Variants in LINGO2 observed in about 807,000 individuals in gnomAD.
The protein encoded by LINGO2 is leucine-rich repeat and immunoglobulin-like domain-containing nogo receptor-interacting protein 2.
A neutral mutation model predicts 30.6 loss-of-function variants in LINGO2; 14 were observed. That is an observed-to-expected ratio of 0.46 (90% CI 0.30 to 0.72). LINGO2 has a LOEUF of 0.72. LINGO2 is among the 30% of genes least tolerant of loss of function. The probability of loss-of-function intolerance (pLI) is 0.07; values close to 1 mark genes in which losing one functional copy is unlikely to be tolerated. For missense variants in LINGO2, 729 were observed against 751.7 expected (o/e 0.97, Z 0.35); for synonymous variants, 317 against 288.5 (o/e 1.10, Z -1.00).
intron 4 of LINGO2, among the ~76,000 whole-genome samples, chr9:28,049,589 T>A (rs1022296885): frequency 6.6e-6 from 1 of 150,742 alleles, no homozygotes; most frequent in African/African-American, 2.5e-5. Flanking sequence ...GTCTAGATTT[T>A]ACCGCTTATT....
At chr9:29,127,213 G>T in the LINGO2 span, among the ~76,000 whole-genome samples, 1 of 151,956 alleles carries the variant, frequency 6.6e-6, no homozygotes, top group Non-Finnish European at 1.5e-5. Flanking sequence ...CCCACTCTGT[G>T]GCATGTACTC....
At chr9:28,634,256 A>C (rs1227788043) in intron 1 of LINGO2, among the ~76,000 whole-genome samples, 1 of 152,148 alleles carries the variant, frequency 6.6e-6, no homozygotes, top group African/African-American at 2.4e-5. Context: ...CCTTACATTT[A>C]AAATATTATA....
At chr9:28,012,693 T>A (rs1035561816) in intron 4 of LINGO2, among the ~76,000 whole-genome samples, 2 of 152,116 alleles carry the variant, frequency 1.3e-5, no homozygotes, top group African/African-American at 4.8e-5. Flanking sequence ...TCATCAGTTA[T>A]TTCAGTTGGG....
chr9:28,050,558 C>G (rs1262278932), intron 4 of LINGO2, among the ~76,000 whole-genome samples: 1 of 150,778 alleles, frequency 6.6e-6, no homozygotes, highest in African/African-American at 2.5e-5. Context: ...TGATAGGGTT[C>G]TAATCCCCTC....
At chr9:28,305,203 A>T (rs1258228682) in intron 3 of LINGO2, among the ~76,000 whole-genome samples, 1 of 152,094 alleles carries the variant, frequency 6.6e-6, no homozygotes, top group Non-Finnish European at 1.5e-5. Context: ...CTTTAAACAA[A>T]CTGGGACTAG....
chr9:28,525,764 G>A (rs986730383), intron 1 of LINGO2, among the ~76,000 whole-genome samples: 7 of 151,802 alleles, frequency 4.6e-5, no homozygotes, highest in African/African-American at 1.7e-4. Flanking sequence ...TTTTTAAAAC[G>A]CCATTGAAGG....
At chr9:28,496,817 T>G (rs1819649834) in intron 1 of LINGO2, among the ~76,000 whole-genome samples, 1 of 152,174 alleles carries the variant, frequency 6.6e-6, no homozygotes, top group African/African-American at 2.4e-5. Flanking sequence ...TTTCCATGTT[T>G]AGTGCTTCCT....
chr9:28,552,672 A>G (rs1289248828), intron 1 of LINGO2, among the ~76,000 whole-genome samples: 3 of 147,904 alleles, frequency 2.0e-5, no homozygotes, highest in East Asian at 2.0e-4. Flanking sequence ...TTCCTATGCT[A>G]TATTTTCTGT....
chr9:28,462,502 C>T (rs1825123104), intron 2 of LINGO2, among the ~76,000 whole-genome samples: 1 of 151,246 alleles, frequency 6.6e-6, no homozygotes, highest in Non-Finnish European at 1.5e-5. Context: ...CACACTTGGT[C>T]CACAATTGAA....
intron 2 of LINGO2, among the ~76,000 whole-genome samples, chr9:28,376,901 T>C (rs544147609): frequency 6.6e-6 from 1 of 152,190 alleles, no homozygotes; most frequent in Non-Finnish European, 1.5e-5. Flanking sequence ...AACATTTTTG[T>C]GTATGCAGTA....
intron 4 of LINGO2, among the ~76,000 whole-genome samples, chr9:28,245,768 A>C (rs1821975209): frequency 6.6e-6 from 1 of 152,196 alleles, no homozygotes. Context: ...GGAGAACTAC[A>C]AACCACTGCT....
the LINGO2 span, among the ~76,000 whole-genome samples, chr9:29,140,809 T>G: frequency 1.3e-5 from 2 of 151,782 alleles, no homozygotes; most frequent in African/African-American, 4.8e-5. Context: ...TAAGGGAGGC[T>G]CCATAATAAT....
chr9:28,378,287 G>A (rs778061458), intron 2 of LINGO2, among the ~76,000 whole-genome samples: 33 of 152,278 alleles, frequency 2.2e-4, no homozygotes, highest in African/African-American at 7.5e-4. Flanking sequence ...ATCTTTAATT[G>A]TGTTCAGTTA....
At chr9:28,452,695 G>A (rs754740116) in intron 2 of LINGO2, among the ~76,000 whole-genome samples, 4 of 151,748 alleles carry the variant, frequency 2.6e-5, no homozygotes, top group Non-Finnish European at 4.4e-5. Flanking sequence ...GTCAAGGAAG[G>A]TTTTAAATAT....
At chr9:28,868,091 T>G in the LINGO2 span, among the ~76,000 whole-genome samples, 1 of 152,136 alleles carries the variant, frequency 6.6e-6, no homozygotes, top group Non-Finnish European at 1.5e-5. Context: ...TTACTCATTA[T>G]AGGTGATCCC....
At chr9:28,189,449 A>G (rs201983616) in intron 4 of LINGO2, among the ~76,000 whole-genome samples, 2 of 30,324 alleles carry the variant, frequency 6.6e-5, no homozygotes, top group South Asian at 1.3e-3. Flanking sequence ...GGGAGGGAGG[A>G]AGGAAGGAAG....
intron 4 of LINGO2, among the ~76,000 whole-genome samples, chr9:28,119,434 A>T (rs1256303006): frequency 1.3e-5 from 2 of 152,238 alleles, no homozygotes; most frequent in Non-Finnish European, 2.9e-5. Context: ...CTTAACAAAC[A>T]TATATACTTG....
intron 3 of LINGO2, among the ~76,000 whole-genome samples, chr9:28,371,334 C>A (rs1175138123): frequency 1.3e-5 from 2 of 152,112 alleles, no homozygotes; most frequent in Admixed American, 6.6e-5. Context: ...TGCATTGAAA[C>A]AACAGAAATG....
chr9:28,819,530 T>C, the LINGO2 span, among the ~76,000 whole-genome samples: 1 of 152,238 alleles, frequency 6.6e-6, no homozygotes, highest in Non-Finnish European at 1.5e-5. Context: ...CCCTCCTAGT[T>C]GGTAGGAGTT....
Sources: allele counts gnomAD v4.1 joint callset (sites outside exome capture counted in the v4.1 genomes callset), GRCh38; gene constraint gnomAD v4.1.1; transcripts MANE v1.5; gene names NCBI Gene and HGNC (gene_info 2026-07-23, HGNC 2026-07-21).